The following TENM4 variants were observed in gnomAD, a reference collection of about 807,000 sequenced individuals.
The protein encoded by TENM4 is teneurin-4.
In TENM4, 82 loss-of-function variants were observed where a neutral mutation model predicts 243.3. That is an observed-to-expected ratio of 0.34 (90% CI 0.28 to 0.40). The LOEUF (loss-of-function observed/expected upper bound fraction) is 0.40, where lower values mean the gene tolerates loss of function less well. Among genes scored for constraint, TENM4 ranks in the 10% least tolerant of loss-of-function variants. TENM4 has a pLI of 1.00. For missense variants in TENM4, 3,138 were observed against 3,673.3 expected (o/e 0.85, Z 3.77); for synonymous variants, 1,412 against 1,456.3 (o/e 0.97, Z 0.69).
intron 6 of TENM4, among the ~76,000 whole-genome samples, chr11:78,943,625 AT>A (rs35532701): frequency 6.6e-5 from 10 of 151,156 alleles, no homozygotes; most frequent in African/African-American, 9.7e-5. Context: ...TTTAAAAACC[AT>A]TTTTTTTTCT....
chr11:78,677,194 A>G (rs1858499616), intron 29 of TENM4, among the ~76,000 whole-genome samples: 1 of 151,646 alleles, frequency 6.6e-6, no homozygotes, highest in African/African-American at 2.4e-5. Context: ...TTCATTTTAG[A>G]TTTTCAAATC....
chr11:79,175,985 G>A (rs552203662), intron 3 of TENM4, among the ~76,000 whole-genome samples: 13 of 152,188 alleles, frequency 8.5e-5, no homozygotes, highest in South Asian at 2.1e-4. Context: ...CCAGCTACTC[G>A]GGAGGAAGAG....
At chr11:78,737,292 T>C (rs1590981024) in intron 20 of TENM4, among the ~76,000 whole-genome samples, 2 of 152,274 alleles carry the variant, frequency 1.3e-5, no homozygotes, top group South Asian at 2.1e-4. Flanking sequence ...TAGGGAACAG[T>C]GGCCTGGCCT....
intron 4 of TENM4, among the ~76,000 whole-genome samples, chr11:79,086,835 CAAAAA>C (rs371315703): frequency 1.1e-5 from 1 of 89,096 alleles, no homozygotes; most frequent in Admixed American, 1.4e-4. Flanking sequence ...CTCTGTCTCG[CAAAAA>C]AAAAAAAAAA....
chr11:78,862,282 A>C (rs746048832), intron 10 of TENM4, among the ~76,000 whole-genome samples: 12 of 152,188 alleles, frequency 7.9e-5, no homozygotes, highest in Admixed American at 3.3e-4. Context: ...TGGCCAAATC[A>C]CTTAATTAGT....
In TENM4 at chr11:78,867,994, GC is replaced by G. The variant is rs1457147669; in HGVS notation, c.1085-4863del. 2.7e-5 allele frequency among the ~76,000 whole-genome samples: 4 copies of G among 149,942 alleles called. No homozygotes were observed. In the East Asian group the frequency reaches 7.9e-4, roughly 30 times the overall value. On this transcript the variant is annotated intron_variant, in intron 9 of 33. Transcript: ENST00000278550. ...TGATAGTGATGATAAATATTCCCTG[GC>G]CCACAGCAATCTTCATTTAAAGCTG...
At chr11:79,434,606 T>G (rs1859233419) in intron 1 of TENM4, among the ~76,000 whole-genome samples, 2 of 152,240 alleles carry the variant, frequency 1.3e-5, no homozygotes, top group African/African-American at 4.8e-5. Flanking sequence ...AAAGAATTTG[T>G]GTATCAGTTC....
intron 6 of TENM4, among the ~76,000 whole-genome samples, chr11:79,038,565 AC>A (rs1232325770): frequency 6.6e-6 from 1 of 152,100 alleles, no homozygotes; most frequent in Non-Finnish European, 1.5e-5. Flanking sequence ...GATGACTTTG[AC>A]TTTTTGTGAA....
At chr11:78,732,765 T>G (rs1320608551) in intron 20 of TENM4, among the ~76,000 whole-genome samples, 188 bp from the exon 21 acceptor site, 1 of 152,212 alleles carries the variant, frequency 6.6e-6, no homozygotes, top group Non-Finnish European at 1.5e-5. Context: ...AAAGCAGTTT[T>G]TTTTTACCCC....
rs1297009022 is a variant in TENM4, at chr11:78,729,359, G to A, written c.3406+17C>T. On this transcript the variant is annotated intron_variant, in intron 22 of 33. Transcript: ENST00000278550. ...CTGCAAGAGCTATTCTCTGAGTCCTGCAGCCGGGAGGCTTACCAAAGGCTT... is the reference window on the plus strand; with the variant it reads ...CTGCAAGAGCTATTCTCTGAGTCCTACAGCCGGGAGGCTTACCAAAGGCTT... The A allele has an allele frequency of 1.9e-6, 3 of 1,559,370 alleles. No individual in the cohort carries two copies. Among genetic ancestry groups the A allele is most frequent in the Non-Finnish European group, 2.6e-6 (3 of 1,150,114 alleles).
chr11:79,051,582 T>G (rs4944217), intron 6 of TENM4, among the ~76,000 whole-genome samples: 139,713 of 152,278 alleles, frequency 0.92, 64,822 homozygotes, highest in Non-Finnish European at 0.98. Context: ...TATCAGCTTT[T>G]TAACTGGCTA....
chr11:78,835,899 A>T (rs939783668), intron 12 of TENM4, among the ~76,000 whole-genome samples: 2 of 152,212 alleles, frequency 1.3e-5, no homozygotes, highest in Non-Finnish European at 2.9e-5. Flanking sequence ...CTTGTTCACA[A>T]CAGCAGCCAC....
At chr11:78,795,048 G>A (rs1482204974) in intron 15 of TENM4, among the ~76,000 whole-genome samples, 1 of 152,104 alleles carries the variant, frequency 6.6e-6, no homozygotes, top group East Asian at 1.9e-4. Context: ...CTGTGCTTCT[G>A]CCTGGGCCAT....
intron 2 of TENM4, among the ~76,000 whole-genome samples, chr11:79,271,023 G>C (rs1044733848): frequency 3.3e-5 from 5 of 152,258 alleles, no homozygotes; most frequent in Admixed American, 2.0e-4. Context: ...CTCTGATCTA[G>C]GTCATTGAGT....
chr11:79,027,599 G>A (rs1308852639), intron 6 of TENM4, among the ~76,000 whole-genome samples: 2 of 152,120 alleles, frequency 1.3e-5, no homozygotes, highest in African/African-American at 4.8e-5. Flanking sequence ...TTTGTGCATT[G>A]GTGCAAATGA....
intron 1 of TENM4, among the ~76,000 whole-genome samples, chr11:79,346,469 CAT>C (rs917734256): frequency 1.2e-4 from 18 of 152,194 alleles, no homozygotes; most frequent in Non-Finnish European, 1.5e-4. Flanking sequence ...TAGTAATAAA[CAT>C]GTGTTTATTG....
At chr11:79,015,780 C>A (rs1410190215) in intron 6 of TENM4, among the ~76,000 whole-genome samples, 2 of 152,064 alleles carry the variant, frequency 1.3e-5, no homozygotes, top group Admixed American at 6.6e-5. Flanking sequence ...AAGAGATAGA[C>A]AATAAACACA....
chr11:79,286,287 T>A (rs1040644895), intron 2 of TENM4, among the ~76,000 whole-genome samples: 10 of 152,256 alleles, frequency 6.6e-5, no homozygotes, highest in African/African-American at 2.4e-4. Context: ...AAGGCCATCA[T>A]CCCTTGCTCT....
intron 13 of TENM4, among the ~76,000 whole-genome samples, chr11:78,813,415 G>A (rs530068165): frequency 5.2e-4 from 79 of 152,244 alleles, no homozygotes; most frequent in African/African-American, 1.7e-3. Flanking sequence ...GTGTTATAGC[G>A]TATTTCACTT....
Sources: allele counts gnomAD v4.1 joint callset (sites outside exome capture counted in the v4.1 genomes callset), GRCh38; gene constraint gnomAD v4.1.1; transcripts MANE v1.5; gene names NCBI Gene and HGNC (gene_info 2026-07-23, HGNC 2026-07-21).